Variants in EPS15L1 observed in about 807,000 individuals in gnomAD.
EPS15L1 encodes the protein epidermal growth factor receptor substrate 15-like 1.
A neutral mutation model predicts 117.1 loss-of-function variants in EPS15L1; 43 were observed. The ratio of observed to expected loss-of-function variants is 0.37; its 90% CI spans 0.29 to 0.47. The LOEUF is 0.47. Ranked by LOEUF, EPS15L1 falls within the 20% of genes least tolerant of loss-of-function variation. EPS15L1 has a pLI of 0.99. For missense variants in EPS15L1, 981 were observed against 1,164.0 expected (o/e 0.84, Z 2.29); for synonymous variants, 459 against 470.5 (o/e 0.98, Z 0.32).
intron 12 of EPS15L1, 36 bp from the exon 13 acceptor site, chr19:16,413,881 G>A: frequency 1.3e-6 from 2 of 1,524,534 alleles, no homozygotes; most frequent in Non-Finnish European, 1.8e-6. Flanking sequence ...AAACAAGAGT[G>A]AATAATAAGC....
intron 15 of EPS15L1, 120 bp downstream of exon 15, chr19:16,403,613 C>T (rs2092624567): frequency 1.0e-6 from 1 of 973,904 alleles, no homozygotes; most frequent in South Asian, 1.5e-5. Context: ...CCACAGCCTC[C>T]CAAAAGAGAC....
At chr19:16,379,291 G>C (rs917704989) in intron 21 of EPS15L1, among the ~76,000 whole-genome samples, 1 of 152,078 alleles carries the variant, frequency 6.6e-6, no homozygotes, top group Non-Finnish European at 1.5e-5. Context: ...GCAACAGAGC[G>C]AGACTCCATC....
chr19:16,371,880 C>T lies in EPS15L1; in HGVS notation c.2380+5242G>A, dbSNP rs1291523793. ...GTTGCAGAAAATATACCATTGTTTA[C>T]CTGGGGGAGGTGTGTGCCACGGCTA... On this transcript the variant is annotated intron_variant, in intron 22 of 23. Transcript: ENST00000455140. The surrounding 1 kb of genome is among the most constrained non-coding windows in gnomAD (Gnocchi z 4.7). 6.6e-6 allele frequency among the ~76,000 whole-genome samples: 1 copy of T among 152,216 alleles called. No individual in the cohort carries two copies. The highest frequency in any genetic ancestry group is 6.5e-5 in the Admixed American group (1 of 15,284).
At chr19:16,399,488 TGAA>T (rs1391526898) in intron 16 of EPS15L1, among the ~76,000 whole-genome samples, 2 of 152,174 alleles carry the variant, frequency 1.3e-5, no homozygotes, top group Non-Finnish European at 2.9e-5. Flanking sequence ...GAAAGGGGGC[TGAA>T]GAAGCTTCTG....
chr19:16,437,088 GTGCTTTC>G, intron 5 of EPS15L1, 89 bp from the exon 6 acceptor site: 1 of 1,168,292 alleles, frequency 8.6e-7, no homozygotes, highest in Admixed American at 2.0e-5. Context: ...ACGTTTCAAA[GTGCTTTC>G]AAAAAAGGGA....
At chr19:16,443,996 A>T (rs536366948) in intron 1 of EPS15L1, among the ~76,000 whole-genome samples, 1 of 145,074 alleles carries the variant, frequency 6.9e-6, no homozygotes, top group African/African-American at 2.6e-5. Context: ...TCCGGGAGGC[A>T]GAGATTGCAG....
intron 1 of EPS15L1, among the ~76,000 whole-genome samples, chr19:16,442,830 C>T (rs919667601): frequency 7.9e-5 from 12 of 152,146 alleles, no homozygotes; most frequent in African/African-American, 2.9e-4. Flanking sequence ...TATTCCATTT[C>T]CCGACACCTC....
intron 23 of EPS15L1, 46 bp from the exon 24 acceptor site, chr19:16,355,897 G>C (rs1247216958): frequency 6.6e-7 from 1 of 1,525,730 alleles, no homozygotes; most frequent in Non-Finnish European, 8.8e-7. Context: ...CTGGGGCTGG[G>C]ACCTGCAAGC....
intron 9 of EPS15L1, among the ~76,000 whole-genome samples, chr19:16,424,851 C>T (rs1054689339): frequency 1.3e-5 from 2 of 151,870 alleles, no homozygotes; most frequent in East Asian, 2.0e-4. Context: ...TTAGTAGAGA[C>T]GGGGTTTCAC....
chr19:16,392,523 C>T (rs765967062), intron 18 of EPS15L1, 83 bp from the exon 19 acceptor site: 16 of 1,313,444 alleles, frequency 1.2e-5, no homozygotes, highest in African/African-American at 4.4e-5. Flanking sequence ...AGAATGATGC[C>T]GTTTACATGA....
At chr19:16,454,042 A>C (rs1183470535) in intron 1 of EPS15L1, among the ~76,000 whole-genome samples, 1 of 152,216 alleles carries the variant, frequency 6.6e-6, no homozygotes, top group Admixed American at 6.5e-5. Context: ...TAGAACACAC[A>C]CAAGTGTGCC....
chr19:16,361,989 A>G lies in EPS15L1; in HGVS notation c.2381-5T>C. 4 of 1,587,090 alleles carry G rather than the reference A, an allele frequency of 2.5e-6. No individual in the cohort carries two copies. The highest frequency in any genetic ancestry group is 1.1e-5 in the South Asian group (1 of 87,196). ...GGCTTACAGGTGTACTTTTACCTGG[A>G]AAGTTTAGGAGAAAAAAAAAAGGAG... On this transcript the variant is annotated splice_polypyrimidine_tract_variant and splice_region_variant and intron_variant, in intron 22 of 23. Coordinates refer to ENST00000455140, the MANE Select transcript of EPS15L1 (RefSeq NM_001258374.3).
chr19:16,459,112 A>G (rs2093224264), intron 1 of EPS15L1, among the ~76,000 whole-genome samples: 1 of 152,238 alleles, frequency 6.6e-6, no homozygotes, highest in South Asian at 2.1e-4. Flanking sequence ...AACATAGCAA[A>G]GGCACAGGAA....
chr19:16,469,808 C>T (rs1302624497), intron 1 of EPS15L1, among the ~76,000 whole-genome samples: 5 of 152,106 alleles, frequency 3.3e-5, no homozygotes, highest in Non-Finnish European at 2.9e-5. Flanking sequence ...AACCAGATCA[C>T]AGCCACCTGC....
intron 1 of EPS15L1, 52 bp from the exon 2 acceptor site, chr19:16,442,271 A>G (rs2093039630): frequency 1.3e-6 from 2 of 1,499,442 alleles, no homozygotes; most frequent in African/African-American, 1.4e-5. Flanking sequence ...CCCCTTGGGG[A>G]AAAAAAGGGT....
Position 16,355,469 on chromosome 19 carries a change from G to C in EPS15L1, c.*236C>G, listed in dbSNP as rs572372135. 4.3e-4 allele frequency: 214 copies of C among 501,532 alleles called. No individual in the cohort carries two copies. The highest frequency in any genetic ancestry group is 3.2e-3 in the South Asian group (91 of 28,518). The allele number at this position is 501,532 out of a possible 1,614,324, so 31.1% of individuals were successfully genotyped here. A position where few individuals can be genotyped will look rare whatever the true frequency, so the allele number is the denominator to read the frequency against. On this transcript the variant is annotated 3_prime_UTR_variant, in exon 24 of 24. Transcript: ENST00000455140. ...GCGGGAGGCAGTCAGCCCCGGGGGG[G>C]ATGGCACAGTGGAGAGACGGACCTG... is the stretch of plus-strand genomic sequence containing the variant.
intron 1 of EPS15L1, among the ~76,000 whole-genome samples, chr19:16,460,451 A>G (rs757395662): frequency 4.6e-5 from 7 of 152,362 alleles, no homozygotes; most frequent in Non-Finnish European, 7.3e-5. Context: ...GACATTTTCT[A>G]GTGGCTAAGA....
chr19:16,418,233 A>C (rs1599614781), intron 10 of EPS15L1, 129 bp from the exon 11 acceptor site: 1 of 996,638 alleles, frequency 1.0e-6, no homozygotes. Flanking sequence ...GGCAAGCCCC[A>C]GCTCCTTCCC....
At position 16,437,850 on chromosome 19, in the gene EPS15L1, G is replaced by A. The variant is rs2145052827; in HGVS notation, c.229C>T (p.Leu77=). Residue 77 remains leucine (L), a synonymous_variant, in exon 5 of 24, where the codon CTG becomes TTG. Coordinates refer to ENST00000455140, the MANE Select transcript of EPS15L1 (RefSeq NM_001258374.3). ...CTCTGTGCACAGGCCACCAGTCTCA[G>A]TGCAACATAGAAACCCTGCAAGTCC... is the stretch of plus-strand genomic sequence containing the variant. The part of the protein sequence containing the change: ...FLDKQGFYVA[L]RLVACAQSGH... 2 of 1,613,936 alleles carry A rather than the reference G, an allele frequency of 1.2e-6. No homozygotes were observed.
Sources: allele counts gnomAD v4.1 joint callset (sites outside exome capture counted in the v4.1 genomes callset), GRCh38; gene constraint gnomAD v4.1.1; non-coding constraint Gnocchi (gnomAD v3.1); transcripts MANE v1.5; gene names NCBI Gene and HGNC (gene_info 2026-07-23, HGNC 2026-07-21).